SMAP2: variants seen among roughly 807,000 people sequenced by gnomAD.
SMAP2 encodes the protein small ArfGAP2.
A neutral mutation model predicts 56.4 loss-of-function variants in SMAP2; 25 were observed. The observed-to-expected ratio is 0.44, with a 90% CI of 0.32 to 0.62. SMAP2 has a LOEUF of 0.62. SMAP2 is among the 20% of genes least tolerant of loss of function. The probability of loss-of-function intolerance (pLI) is 0.04; values close to 1 mark genes in which losing one functional copy is unlikely to be tolerated. For synonymous variants in SMAP2, 157 were observed against 181.7 expected (o/e 0.86, Z 1.09); for missense variants, 388 against 545.6 (o/e 0.71, Z 2.88).
Position 40,409,852 on chromosome 1 carries a change from T to G in SMAP2, c.402+17T>G. 4 of 1,521,584 alleles carry G rather than the reference T, an allele frequency of 2.6e-6. No individual in the cohort carries two copies. Among genetic ancestry groups the G allele is most frequent in the East Asian group, 2.3e-5 (1 of 44,422 alleles). The allele number at this position is 1,521,584 out of a possible 1,614,324, so 94.3% of individuals were successfully genotyped here. ...GCCTTTAGGGTTGGTTATACATCTT[T>G]CAAGTTTTGTCCACAATAAGTAATG... On this transcript the variant is annotated intron_variant, in intron 4 of 9. Transcript: ENST00000372718.
At chr1:40,383,186 A>AAAT (rs1404723270) in intron 1 of SMAP2, among the ~76,000 whole-genome samples, 1 of 152,206 alleles carries the variant, frequency 6.6e-6, no homozygotes, top group Non-Finnish European at 1.5e-5. Context: ...CCTGCAAGGA[A>AAAT]AATAGTGCAC....
chr1:40,392,963 G>C (rs180882465), intron 1 of SMAP2, among the ~76,000 whole-genome samples: 2 of 151,984 alleles, frequency 1.3e-5, no homozygotes, highest in Non-Finnish European at 1.5e-5. Context: ...TTAGCCAGGC[G>C]TGGTGGCATG....
At chr1:40,347,022 CTATTTATTTATT>C (rs66542909) in intron 1 of SMAP2, among the ~76,000 whole-genome samples, 26 of 143,448 alleles carry the variant, frequency 1.8e-4, no homozygotes, top group Admixed American at 3.5e-4. Flanking sequence ...GCTTAAAAAT[CTATTTATTTATT>C]TATTTATTTA....
At chr1:40,400,115 A>C (rs1233497716) in intron 1 of SMAP2, among the ~76,000 whole-genome samples, 1 of 152,218 alleles carries the variant, frequency 6.6e-6, no homozygotes, top group African/African-American at 2.4e-5. Flanking sequence ...CCAGGCTGCA[A>C]GTGGCATTTG....
At chr1:40,358,012 G>T (rs959590450) in intron 1 of SMAP2, among the ~76,000 whole-genome samples, 1 of 151,378 alleles carries the variant, frequency 6.6e-6, no homozygotes, top group Non-Finnish European at 1.5e-5. Flanking sequence ...TCTGTACATT[G>T]CTTTAGGCAA....
At chr1:40,419,447 A>T (rs1645021865) in intron 9 of SMAP2, among the ~76,000 whole-genome samples, 1 of 151,412 alleles carries the variant, frequency 6.6e-6, no homozygotes, top group African/African-American at 2.4e-5. Flanking sequence ...CACCCGGTTA[A>T]TTTTTTTTGT....
At chr1:40,398,081 C>T (rs942362665) in intron 1 of SMAP2, among the ~76,000 whole-genome samples, 1 of 152,080 alleles carries the variant, frequency 6.6e-6, no homozygotes, top group Non-Finnish European at 1.5e-5. Flanking sequence ...TGGTTTTTCC[C>T]ATTGCAAAAT....
intron 7 of SMAP2, 128 bp from the exon 8 acceptor site, chr1:40,416,048 A>G: frequency 1.2e-6 from 1 of 849,738 alleles, no homozygotes; most frequent in Non-Finnish European, 1.9e-6. Flanking sequence ...TAAAAATGTT[A>G]GGAAGCTATT....
chr1:40,421,852 T>C, intron 9 of SMAP2, 124 bp from the exon 10 acceptor site: 1 of 1,120,166 alleles, frequency 8.9e-7, no homozygotes, highest in Non-Finnish European at 1.3e-6. Flanking sequence ...TTACTGTCCA[T>C]AACAGAGTTT....
chr1:40,375,277 C>T (rs536613627), intron 1 of SMAP2, among the ~76,000 whole-genome samples: 9 of 152,022 alleles, frequency 5.9e-5, no homozygotes, highest in East Asian at 1.9e-4. Context: ...ATTTTGGGGG[C>T]GACAATTTAC....
intron 4 of SMAP2, among the ~76,000 whole-genome samples, chr1:40,412,078 AATTT>A (rs1398176345): frequency 2.6e-5 from 4 of 152,206 alleles, no homozygotes; most frequent in Admixed American, 1.3e-4. Flanking sequence ...TGAAAGTAAT[AATTT>A]ATTTACCATT....
intron 1 of SMAP2, among the ~76,000 whole-genome samples, chr1:40,402,740 CA>C (rs1644848379): frequency 6.6e-6 from 1 of 152,196 alleles, no homozygotes; most frequent in African/African-American, 2.4e-5. Flanking sequence ...GCTTCTAGAA[CA>C]CCGATTTACT....
At chr1:40,351,560 G>C (rs952518010) in intron 1 of SMAP2, among the ~76,000 whole-genome samples, 3 of 152,098 alleles carry the variant, frequency 2.0e-5, no homozygotes, top group African/African-American at 7.2e-5. Flanking sequence ...GCTGGAGTGC[G>C]ATGGCACGAT....
chr1:40,361,364 G>A (rs1289691491), intron 1 of SMAP2, among the ~76,000 whole-genome samples: 1 of 152,150 alleles, frequency 6.6e-6, no homozygotes, highest in Non-Finnish European at 1.5e-5. Flanking sequence ...CTCACCATGG[G>A]CCTTGGGTGA....
chr1:40,383,415 C>G (rs1644619041), intron 1 of SMAP2, among the ~76,000 whole-genome samples: 1 of 152,182 alleles, frequency 6.6e-6, no homozygotes, highest in Non-Finnish European at 1.5e-5. Context: ...TCCCTGTGAT[C>G]AAGCGGAGCA....
At chr1:40,349,669 C>T (rs1644402473) in intron 1 of SMAP2, among the ~76,000 whole-genome samples, 1 of 152,142 alleles carries the variant, frequency 6.6e-6, no homozygotes, top group South Asian at 2.1e-4. Context: ...CAGGCACGTG[C>T]CACCACATCC....
intron 1 of SMAP2, among the ~76,000 whole-genome samples, chr1:40,406,382 A>T (rs1644886454): frequency 6.6e-6 from 1 of 152,210 alleles, no homozygotes; most frequent in Admixed American, 6.5e-5. Context: ...CAATCCATAG[A>T]GATAAAAAGT....
chr1:40,353,247 T>G (rs1644417776), intron 1 of SMAP2, among the ~76,000 whole-genome samples: 1 of 152,224 alleles, frequency 6.6e-6, no homozygotes, highest in African/African-American at 2.4e-5. Flanking sequence ...TCCTTTTCTC[T>G]TCTTCCTTCA....
At chr1:40,418,975 GA>G (rs1036184529) in intron 9 of SMAP2, among the ~76,000 whole-genome samples, 39 of 152,182 alleles carry the variant, frequency 2.6e-4, no homozygotes, top group Non-Finnish European at 1.9e-4. Flanking sequence ...CTGATGGTGA[GA>G]ATTGAATGTT....
Sources: gnomAD v4.1 joint callset for allele counts (sites outside exome capture counted in the v4.1 genomes callset) on GRCh38, gnomAD v4.1.1 for gene constraint, MANE v1.5 for transcripts, NCBI Gene and HGNC (gene_info 2026-07-23, HGNC 2026-07-21) for gene names.